Variants in STAG1 observed in about 807,000 individuals in gnomAD.
STAG1 encodes the protein cohesin subunit SA-1.
A neutral mutation model predicts 170.9 loss-of-function variants in STAG1; 26 were observed. The observed-to-expected ratio is 0.15, with a 90% CI of 0.11 to 0.21. The LOEUF (loss-of-function observed/expected upper bound fraction) is 0.21, where lower values mean the gene tolerates loss of function less well. Among genes scored for constraint, STAG1 ranks in the 10% least tolerant of loss-of-function variants. The probability of loss-of-function intolerance (pLI) is 1.00; values close to 1 mark genes in which losing one functional copy is unlikely to be tolerated. For synonymous variants in STAG1, 514 were observed against 497.7 expected, an observed-to-expected ratio of 1.03 and a Z score of -0.44; for missense variants, 964 against 1,509.5, an observed-to-expected ratio of 0.64 and a Z score of 5.99.
intron 4 of STAG1, chr3:136,591,590 G>A (rs1226709822): frequency 2.4e-6 from 1 of 417,824 alleles, no homozygotes; most frequent in South Asian, 1.7e-5. Flanking sequence ...TAAGTGAGAA[G>A]CAAAGCATAT....
chr3:136,643,274 TACAA>T (rs772986799), intron 1 of STAG1, among the ~76,000 whole-genome samples: 7 of 152,208 alleles, frequency 4.6e-5, no homozygotes, highest in Non-Finnish European at 1.0e-4. Flanking sequence ...TCTAATTAGC[TACAA>T]ACAATGGTAA....
At chr3:136,506,476 C>CAAACAA (rs1933769266) in intron 7 of STAG1, among the ~76,000 whole-genome samples, 1 of 85,344 alleles carries the variant, frequency 1.2e-5, no homozygotes, top group African/African-American at 4.0e-5. Flanking sequence ...ACTAAAAATA[C>CAAACAA]AAAAAAAAAA....
intron 22 of STAG1, among the ~76,000 whole-genome samples, chr3:136,378,525 G>A (rs965701240): frequency 1.3e-5 from 2 of 152,126 alleles, no homozygotes; most frequent in African/African-American, 2.4e-5. Flanking sequence ...AAAATTAGCC[G>A]CGCATGGTGG....
At chr3:136,515,578 A>C (rs766436440) in intron 7 of STAG1, among the ~76,000 whole-genome samples, 22 of 152,220 alleles carry the variant, frequency 1.4e-4, no homozygotes, top group Non-Finnish European at 2.4e-4. Flanking sequence ...CAAAGTCACC[A>C]AGTTAATAAA....
chr3:136,463,788 C>CACATAT lies in STAG1; in HGVS notation c.1313+1087_1313+1092dup, dbSNP rs528363731. Among the ~76,000 whole-genome samples the CACATAT allele has an allele frequency of 8.0e-3, 1,032 of 129,536 alleles. 17 individuals carry two copies. The highest frequency in any genetic ancestry group is 0.027 in the African/African-American group (996 of 36,660). The allele number at this position is 129,536 out of a possible 152,430, so 85.0% of individuals were successfully genotyped here. A position where few individuals can be genotyped will look rare whatever the true frequency, so the allele number is the denominator to read the frequency against. On this transcript the variant is annotated intron_variant, in intron 13 of 33. Coordinates refer to ENST00000383202, the MANE Select transcript of STAG1 (RefSeq NM_005862.3). Reference sequence around the variant, plus strand: ...GTGTGTATACACACACACACACACACACATATACATATACATACATATATA... The same window carrying CACATAT: ...GTGTGTATACACACACACACACACACACATATACATATACATATACATACATATATA...
At chr3:136,587,377 T>C (rs1013389416) in intron 4 of STAG1, among the ~76,000 whole-genome samples, 7 of 151,716 alleles carry the variant, frequency 4.6e-5, no homozygotes, top group Admixed American at 2.6e-4. Flanking sequence ...CTGTCTCAAC[T>C]AGAAATACAA....
chr3:136,447,278 T>A (rs2088809465), intron 14 of STAG1, among the ~76,000 whole-genome samples: 1 of 151,482 alleles, frequency 6.6e-6, no homozygotes, highest in Admixed American at 6.6e-5. Flanking sequence ...ATCGAGACCA[T>A]CTGGCCAACA....
intron 9 of STAG1, among the ~76,000 whole-genome samples, chr3:136,494,151 A>G (rs1429411542): frequency 6.6e-6 from 1 of 152,060 alleles, no homozygotes; most frequent in African/African-American, 2.4e-5. Context: ...GCTTGCCTGC[A>G]GTCCTAGCTA....
chr3:136,610,530 G>A lies in STAG1; in HGVS notation c.133-6057C>T, dbSNP rs529755256. ...ATGCTTTTAACTGAATTGGAGAAGT[G>A]TATTTAACAGCTTATCAACATGTGA... On this transcript the variant is annotated intron_variant, in intron 3 of 33. Transcript: ENST00000383202. Among the ~76,000 whole-genome samples the A allele has an allele frequency of 3.9e-5, 6 of 152,220 alleles. No individual in the cohort carries two copies. The South Asian group carries it at 1.2e-3, about 32-fold the overall frequency.
At chr3:136,510,497 C>A (rs1934004167) in intron 7 of STAG1, among the ~76,000 whole-genome samples, 1 of 152,036 alleles carries the variant, frequency 6.6e-6, no homozygotes, top group South Asian at 2.1e-4. Flanking sequence ...ACCATGTTGG[C>A]CAGGCTGGTC....
At chr3:136,569,915 C>A (rs1232076286) in intron 4 of STAG1, among the ~76,000 whole-genome samples, 1 of 152,058 alleles carries the variant, frequency 6.6e-6, no homozygotes, top group Non-Finnish European at 1.5e-5. Context: ...TCAATAAAGT[C>A]TGAGAGTCTT....
chr3:136,438,244 T>C (rs956493531), intron 15 of STAG1, among the ~76,000 whole-genome samples: 6 of 148,978 alleles, frequency 4.0e-5, no homozygotes, highest in African/African-American at 1.5e-4. Context: ...TCTTTTCTTT[T>C]TTTTTTTTTT....
intron 22 of STAG1, among the ~76,000 whole-genome samples, chr3:136,397,803 A>G (rs2087208789): frequency 6.6e-6 from 1 of 151,714 alleles, no homozygotes; most frequent in African/African-American, 2.4e-5. Context: ...TTTAATCCCT[A>G]GCCCACATTT....
At chr3:136,475,873 C>G (rs2089736284) in intron 10 of STAG1, among the ~76,000 whole-genome samples, 1 of 152,148 alleles carries the variant, frequency 6.6e-6, no homozygotes, top group African/African-American at 2.4e-5. Flanking sequence ...CAAGTGTTGC[C>G]TCTTTGGAAA....
chr3:136,570,376 C>T (rs778117502), intron 4 of STAG1, among the ~76,000 whole-genome samples: 2 of 152,086 alleles, frequency 1.3e-5, no homozygotes, highest in East Asian at 1.9e-4. Context: ...ATTAGTAATG[C>T]CTTTTTTACA....
At chr3:136,464,472 A>G (rs1235248601) in intron 13 of STAG1, among the ~76,000 whole-genome samples, 1 of 152,154 alleles carries the variant, frequency 6.6e-6, no homozygotes, top group Non-Finnish European at 1.5e-5. Context: ...AAGAATGAAA[A>G]AAAATGAAAA....
At chr3:136,439,590 C>G (rs1321728367) in intron 15 of STAG1, among the ~76,000 whole-genome samples, 1 of 152,162 alleles carries the variant, frequency 6.6e-6, no homozygotes, top group Middle Eastern at 3.4e-3. Flanking sequence ...TTCCACCTAT[C>G]TAAAAAATTA....
At chr3:136,657,541 C>T (rs1045000829) in intron 1 of STAG1, among the ~76,000 whole-genome samples, 5 of 152,124 alleles carry the variant, frequency 3.3e-5, no homozygotes, top group African/African-American at 9.7e-5. Context: ...CTGAAACGGG[C>T]CAGGCAGGGT....
At chr3:136,422,331 A>T in intron 19 of STAG1, 79 bp downstream of exon 19, 1 of 1,340,104 alleles carries the variant, frequency 7.5e-7, no homozygotes, top group Non-Finnish European at 1.0e-6. Flanking sequence ...TTTTAAAATG[A>T]AAATGATTTA....
Sources: gnomAD v4.1 joint callset for allele counts (sites outside exome capture counted in the v4.1 genomes callset) on GRCh38, gnomAD v4.1.1 for gene constraint, MANE v1.5 for transcripts, NCBI Gene and HGNC (gene_info 2026-07-23, HGNC 2026-07-21) for gene names.